HMGCLL1: variants seen among roughly 807,000 people sequenced by gnomAD.
HMGCLL1 encodes 3-hydroxymethyl-3-methylglutaryl-CoA lyase, cytoplasmic.
In HMGCLL1, 36 loss-of-function variants were observed where a neutral mutation model predicts 39.1. The observed-to-expected ratio is 0.92, with a 90% CI of 0.71 to 1.22. The LOEUF is 1.22. Among genes scored for constraint, HMGCLL1 ranks in the 50% most tolerant of loss-of-function variants. The pLI is 0.00. For synonymous variants in HMGCLL1, 149 were observed against 144.0 expected, an observed-to-expected ratio of 1.03 and a Z score of -0.25; for missense variants, 451 against 416.5, an observed-to-expected ratio of 1.08 and a Z score of -0.72.
At chr6:55,665,218 T>C in the HMGCLL1 span, among the ~76,000 whole-genome samples, 1 of 151,712 alleles carries the variant, frequency 6.6e-6, no homozygotes, top group Non-Finnish European at 1.5e-5. Flanking sequence ...TGAAATTATC[T>C]TCAGGGGCAA....
intron 7 of HMGCLL1, among the ~76,000 whole-genome samples, chr6:55,459,654 T>G (rs1242663517): frequency 2.6e-5 from 4 of 152,042 alleles, no homozygotes; most frequent in South Asian, 4.1e-4. Flanking sequence ...GTTTATTAAG[T>G]GGTTTCTATG....
intron 7 of HMGCLL1, among the ~76,000 whole-genome samples, chr6:55,494,620 A>G (rs560591345): frequency 6.6e-6 from 1 of 152,284 alleles, no homozygotes; most frequent in Admixed American, 6.5e-5. Flanking sequence ...AAGCAACTGT[A>G]TACTTTAGGA....
the HMGCLL1 span, among the ~76,000 whole-genome samples, chr6:55,677,189 G>C: frequency 6.6e-6 from 1 of 152,098 alleles, no homozygotes; most frequent in African/African-American, 2.4e-5. Context: ...TTGAGCTCAG[G>C]AATTTGAGAC....
At chr6:55,513,817 T>A (rs1300050338) in intron 5 of HMGCLL1, 1 of 510,962 alleles carries the variant, frequency 2.0e-6, no homozygotes, top group Non-Finnish European at 3.4e-6. Flanking sequence ...ATTTGCATGC[T>A]AGTTCCTCTG....
chr6:55,439,626 T>C, intron 7 of HMGCLL1, 67 bp from the exon 8 acceptor site: 1 of 1,547,152 alleles, frequency 6.5e-7, no homozygotes, highest in Non-Finnish European at 8.8e-7. Flanking sequence ...CATTTCTATT[T>C]AACCTATGGT....
intron 3 of HMGCLL1, among the ~76,000 whole-genome samples, chr6:55,530,976 C>A (rs531884281): frequency 1.3e-5 from 2 of 152,184 alleles, no homozygotes; most frequent in Non-Finnish European, 2.9e-5. Context: ...TTTAAGTGCT[C>A]AAGGATACAA....
At chr6:55,660,741 G>A in the HMGCLL1 span, among the ~76,000 whole-genome samples, 1 of 151,840 alleles carries the variant, frequency 6.6e-6, no homozygotes, top group African/African-American at 2.4e-5. Flanking sequence ...CCTGTAATGG[G>A]ATTGGGCAGG....
chr6:55,563,650 A>T (rs1360336405), intron 1 of HMGCLL1, among the ~76,000 whole-genome samples: 1 of 152,188 alleles, frequency 6.6e-6, no homozygotes, highest in Non-Finnish European at 1.5e-5. Context: ...TGAAGACAGA[A>T]GAAAGTTTTC....
chr6:55,486,533 T>A (rs961247839), intron 7 of HMGCLL1, among the ~76,000 whole-genome samples: 1 of 152,130 alleles, frequency 6.6e-6, no homozygotes, highest in African/African-American at 2.4e-5. Context: ...TCTGTTCTCA[T>A]AAAGCTGGCA....
chr6:55,678,753 A>T, the HMGCLL1 span, among the ~76,000 whole-genome samples: 1 of 152,238 alleles, frequency 6.6e-6, no homozygotes, highest in African/African-American at 2.4e-5. Flanking sequence ...GTTGTAAGAG[A>T]ATTTTAACAG....
intron 7 of HMGCLL1, among the ~76,000 whole-genome samples, chr6:55,464,548 A>T (rs1764715808): frequency 6.6e-6 from 1 of 152,032 alleles, no homozygotes. Flanking sequence ...TCTGAATTTG[A>T]TTCAGTTTCA....
At position 55,567,352 on chromosome 6, in the gene HMGCLL1, G is replaced by C. The variant is rs565389381; in HGVS notation, c.108+11596C>G. Among the ~76,000 whole-genome samples, 3 of 152,070 alleles carry C rather than the reference G, an allele frequency of 2.0e-5. No homozygotes were observed. In the East Asian group the frequency reaches 5.8e-4, roughly 29 times the overall value. On this transcript the variant is annotated intron_variant, in intron 1 of 8. Coordinates refer to ENST00000274901, the MANE Select transcript of HMGCLL1 (RefSeq NM_001042406.2). ...TTTTTGTAAAGTGATAGATTAGATA[G>C]ATGGATGAATATAGATAATAGTTAT...
At chr6:55,520,155 G>A (rs1432451001) in intron 3 of HMGCLL1, among the ~76,000 whole-genome samples, 1 of 150,398 alleles carries the variant, frequency 6.6e-6, no homozygotes, top group Non-Finnish European at 1.5e-5. Flanking sequence ...GTAGATGACG[G>A]GTTGATGGGT....
the HMGCLL1 span, among the ~76,000 whole-genome samples, chr6:55,623,338 G>C: frequency 6.6e-6 from 1 of 151,428 alleles, no homozygotes; most frequent in Non-Finnish European, 1.5e-5. Flanking sequence ...TATATTGTTA[G>C]GTTGTTTATT....
chr6:55,477,391 A>T (rs1765484128), intron 7 of HMGCLL1, among the ~76,000 whole-genome samples: 4 of 42,234 alleles, frequency 9.5e-5, no homozygotes, highest in Admixed American at 4.0e-4. Flanking sequence ...TTATCTAAAT[A>T]TAATATATAT....
intron 7 of HMGCLL1, among the ~76,000 whole-genome samples, chr6:55,479,525 T>C (rs1277734372): frequency 6.6e-6 from 1 of 151,590 alleles, no homozygotes; most frequent in Non-Finnish European, 1.5e-5. Flanking sequence ...ACTCTCATCC[T>C]ACCTTTTTCA....
At chr6:55,491,765 GT>G (rs1561914583) in intron 7 of HMGCLL1, among the ~76,000 whole-genome samples, 1 of 151,984 alleles carries the variant, frequency 6.6e-6, no homozygotes, top group East Asian at 1.9e-4. Flanking sequence ...AATGCTGTAC[GT>G]TTTGTCACCT....
intron 3 of HMGCLL1, among the ~76,000 whole-genome samples, chr6:55,522,615 C>G (rs1212497032): frequency 6.6e-6 from 1 of 152,004 alleles, no homozygotes; most frequent in Non-Finnish European, 1.5e-5. Context: ...TGAACAAATG[C>G]AGTTACAAAG....
chr6:55,539,949 G>A (rs1382408695), intron 3 of HMGCLL1, among the ~76,000 whole-genome samples: 1 of 27,282 alleles, frequency 3.7e-5, no homozygotes, highest in East Asian at 1.4e-3. Context: ...GAGAAGGAAG[G>A]AAGGAAGGAA....
Sources: allele counts gnomAD v4.1 joint callset (sites outside exome capture counted in the v4.1 genomes callset), GRCh38; gene constraint gnomAD v4.1.1; transcripts MANE v1.5; gene names NCBI Gene and HGNC (gene_info 2026-07-23, HGNC 2026-07-21).